The following ZNF549 variants were observed in gnomAD, a reference collection of about 807,000 sequenced individuals.
ZNF549 encodes the protein zinc finger protein 549.
In ZNF549, 11 loss-of-function variants were observed where a neutral mutation model predicts 11.1. That is an observed-to-expected ratio of 0.99 (90% CI 0.62 to 1.64). The LOEUF (loss-of-function observed/expected upper bound fraction) is 1.64. Among genes scored for constraint, ZNF549 ranks in the 40% most tolerant of loss-of-function variants. The probability of loss-of-function intolerance (pLI) is 0.00; values close to 1 mark genes in which losing one functional copy is unlikely to be tolerated. For synonymous variants in ZNF549, 266 were observed against 269.1 expected, an observed-to-expected ratio of 0.99 and a Z score of 0.11; for missense variants, 748 against 765.1, an observed-to-expected ratio of 0.98 and a Z score of 0.26.
At chr19:57,531,742 A>G (rs1163964318) in intron 2 of ZNF549, among the ~76,000 whole-genome samples, 21 of 152,222 alleles carry the variant, frequency 1.4e-4, no homozygotes, top group Admixed American at 1.4e-3. Context: ...TAGTGTATTC[A>G]TCATGGATCT....
At chr19:57,533,200 G>A (rs2089911108) in intron 2 of ZNF549, among the ~76,000 whole-genome samples, 1 of 152,228 alleles carries the variant, frequency 6.6e-6, no homozygotes, top group African/African-American at 2.4e-5. Context: ...GGTGAGGTGT[G>A]TCAGCGGGCA....
intron 1 of ZNF549, among the ~76,000 whole-genome samples, chr19:57,528,703 A>G (rs1034065530): frequency 3.9e-5 from 6 of 152,212 alleles, no homozygotes; most frequent in Non-Finnish European, 8.8e-5. Context: ...TGTTCACTCT[A>G]TGTGGAGCCA....
At chr19:57,530,653 A>G (rs1310307757) in intron 1 of ZNF549, among the ~76,000 whole-genome samples, 1 of 152,130 alleles carries the variant, frequency 6.6e-6, no homozygotes. Flanking sequence ...TTAGTGTTAG[A>G]ATAGGATTGA....
chr19:57,532,259 C>T (rs758696162), intron 2 of ZNF549, among the ~76,000 whole-genome samples: 25 of 152,196 alleles, frequency 1.6e-4, no homozygotes, highest in Non-Finnish European at 3.1e-4. Context: ...GGAGTAAATG[C>T]CCTTCGTGGG....
chr19:57,527,474 G>A lies in ZNF549; in HGVS notation c.-100G>A, dbSNP rs984169673. ...TGTCCGCCCGCAGAGGAGCTTGCCT[G>A]GTCTCGGTCTGAGCGTCGCCCAGCG... On this transcript the variant is annotated 5_prime_UTR_variant, in exon 1 of 4. Transcript: ENST00000376233. The A allele has an allele frequency of 1.6e-5, 24 of 1,523,728 alleles. No homozygotes were observed. The Admixed American group carries it at 2.8e-4, about 18-fold the overall frequency. 94.4% of individuals were successfully genotyped at this position (1,523,728 alleles called of 1,614,324 possible).
Position 57,538,732 on chromosome 19 carries a change from G to GA in ZNF549, c.1731dup (p.Val578SerfsTer9). 1 of 1,614,214 alleles carries GA rather than the reference G, an allele frequency of 6.2e-7. No individual in the cohort carries two copies. On this transcript the variant is annotated frameshift_variant, in exon 4 of 4. Coordinates refer to ENST00000376233, the MANE Select transcript of ZNF549 (RefSeq NM_001199295.2). LOFTEE classifies it low-confidence loss of function (END_TRUNC). ...ACCGCACCAGCCTCATTCAACACCA[G>GA]AAAGTTCACAGTGGAGAGAGGCCTT...
intron 2 of ZNF549, among the ~76,000 whole-genome samples, chr19:57,531,369 T>C (rs899097314): frequency 6.6e-6 from 1 of 152,180 alleles, no homozygotes; most frequent in Non-Finnish European, 1.5e-5. Context: ...ATGAGAATGA[T>C]ATGGGCATAT....
rs1203696179 is a variant in ZNF549 at position 57,538,761 on chromosome 19, A to C, written c.1757A>C (p.Asn586Thr). ...GTTCACAGTGGAGAGAGGCCTTATA[A>C]CTGCACTGCATGTGAGAAGGCCTTT... ...QKVHSGERPY[N>T]CTACEKAFIY... is the part of the protein sequence containing the mutation. The change falls in exon 4 of 4, where the codon AAC (asparagine) becomes ACC (threonine). Residue 586 changes from asparagine to threonine, a missense_variant. Transcript: ENST00000376233. 1.9e-6 allele frequency: 3 copies of C among 1,614,184 alleles called. No homozygotes were observed. The highest frequency in any genetic ancestry group is 2.5e-6 in the Non-Finnish European group (3 of 1,180,040).
At chr19:57,532,597 G>A (rs1444854631) in intron 2 of ZNF549, among the ~76,000 whole-genome samples, 1 of 152,212 alleles carries the variant, frequency 6.6e-6, no homozygotes, top group Non-Finnish European at 1.5e-5. Context: ...TATTGGGGAT[G>A]TTGAAGCATC....
intron 3 of ZNF549, among the ~76,000 whole-genome samples, chr19:57,535,757 GTGT>G (rs1399129368): frequency 6.6e-6 from 1 of 152,146 alleles, no homozygotes; most frequent in Non-Finnish European, 1.5e-5. Context: ...CCCTGGGCCA[GTGT>G]TGTTGACCCA....
Position 57,527,561 on chromosome 19 carries a change from C to G in ZNF549, c.-13C>G. 1.2e-6 allele frequency: 2 copies of G among 1,613,530 alleles called. No individual in the cohort carries two copies. Among genetic ancestry groups the G allele is most frequent in the Non-Finnish European group, 8.5e-7 (1 of 1,179,918 alleles). On this transcript the variant is annotated 5_prime_UTR_variant, in exon 1 of 4. Transcript: ENST00000376233. ...CCGCCCGCCTTTCCAGGCCCCGCCC[C>G]GCCTAAAGTCCCATGGCCGAGGCAG...
In ZNF549 at chr19:57,537,200, T is replaced by C. The variant is rs1424315146; in HGVS notation, c.200-4T>C. On this transcript the variant is annotated splice_region_variant and splice_polypyrimidine_tract_variant and intron_variant, in intron 3 of 3. Transcript: ENST00000376233. ...ATACTTCACTTGCATTTTTATGCTT[T>C]TAGGTTGTTTGCATGGAATAGAGGC... The C allele has an allele frequency of 6.2e-7, 1 of 1,607,536 alleles. No homozygotes were observed. Among genetic ancestry groups the C allele is most frequent in the African/African-American group, 1.3e-5 (1 of 74,590 alleles).
intron 3 of ZNF549, 149 bp from the exon 4 acceptor site, chr19:57,537,055 C>T: frequency 2.3e-6 from 2 of 857,308 alleles, no homozygotes; most frequent in East Asian, 2.6e-5. Flanking sequence ...ATGACTGCAA[C>T]TGCACTCCCA....
intron 1 of ZNF549, among the ~76,000 whole-genome samples, chr19:57,529,758 C>T (rs2089895730): frequency 1.3e-5 from 2 of 152,052 alleles, no homozygotes; most frequent in African/African-American, 4.8e-5. Context: ...TGGTAGTGGG[C>T]GCCCGTAGTC....
chr19:57,537,124 T>C lies in ZNF549; in HGVS notation c.200-80T>C. The stretch of plus-strand genomic sequence containing the variant: ...AAAACCATGGACTCGTCCCTCCCTG[T>C]GTTCCACAGGTATTTGTAATGGAGC... On this transcript the variant is annotated intron_variant, in intron 3 of 3. Coordinates refer to ENST00000376233, the MANE Select transcript of ZNF549 (RefSeq NM_001199295.2). 2.7e-6 allele frequency: 4 copies of C among 1,489,200 alleles called. No individual in the cohort carries two copies. In the South Asian group the frequency reaches 5.3e-5, roughly 20 times the overall value. The allele number at this position is 1,489,200 out of a possible 1,614,324, so 92.2% of individuals were successfully genotyped here.
At chr19:57,535,309 A>G in intron 3 of ZNF549, 39 bp downstream of exon 3, 2 of 1,579,892 alleles carry the variant, frequency 1.3e-6, no homozygotes, top group Non-Finnish European at 1.7e-6. Context: ...CCTCTGCTGG[A>G]CTCTGCTCTT....
rs1487167015 is a variant in ZNF549, at chr19:57,540,438, TATCTC to T, written c.*1513_*1517del. ...AGTTAATGGGTTTTGATAGTCATGT[TATCTC>T]AGTAAGTGTCTTGTCTTAGAAATAT... is the stretch of plus-strand genomic sequence containing the variant. On this transcript the variant is annotated 3_prime_UTR_variant, in exon 4 of 4. Transcript: ENST00000376233. The T allele has an allele frequency of 6.6e-6, 1 of 152,248 alleles. No homozygotes were observed. The highest frequency in any genetic ancestry group is 2.4e-5 in the African/African-American group (1 of 41,456). The allele number at this position is 152,248 out of a possible 1,614,324, so 9.4% of individuals were successfully genotyped here.
intron 1 of ZNF549, among the ~76,000 whole-genome samples, chr19:57,530,768 T>TA (rs1600163355): frequency 1.3e-5 from 2 of 152,234 alleles, no homozygotes; most frequent in East Asian, 3.9e-4. Context: ...TTTGAAAAGA[T>TA]ACCACATTCA....
Position 57,538,791 on chromosome 19 carries a change from A to G in ZNF549, c.1787A>G (p.Tyr596Cys), listed in dbSNP as rs775613667. ...ACTGCATGTGAGAAGGCCTTTATCT[A>G]TAAAAACAAACTTGTTGAGCATCAG... is the stretch of plus-strand genomic sequence containing the variant. ...NCTACEKAFIYKNKLVEHQRI... is the reference protein window; with the variant it reads ...NCTACEKAFICKNKLVEHQRI... The change falls in exon 4 of 4, where the codon TAT (tyrosine) becomes TGT (cysteine). Residue 596 changes from tyrosine to cysteine, a missense_variant. Physicochemically the swap from Tyr to Cys is radical, Grantham distance 194. Coordinates refer to ENST00000376233, the MANE Select transcript of ZNF549 (RefSeq NM_001199295.2). The G allele has an allele frequency of 3.1e-6, 5 of 1,614,242 alleles. No homozygotes were observed. Among genetic ancestry groups the G allele is most frequent in the South Asian group, 1.1e-5 (1 of 91,086 alleles).
Sources: gnomAD v4.1 joint callset for allele counts (sites outside exome capture counted in the v4.1 genomes callset) on GRCh38, gnomAD v4.1.1 for gene constraint, MANE v1.5 for transcripts, NCBI Gene and HGNC (gene_info 2026-07-23, HGNC 2026-07-21) for gene names.